Variants in MYBL2 observed in about 807,000 individuals in gnomAD.
MYBL2 encodes MYB proto-oncogene like 2.
A neutral mutation model predicts 79.9 loss-of-function variants in MYBL2; 28 were observed. The ratio of observed to expected loss-of-function variants is 0.35; its 90% CI spans 0.26 to 0.48. The LOEUF (loss-of-function observed/expected upper bound fraction) is 0.48. Among genes scored for constraint, MYBL2 ranks in the 20% least tolerant of loss-of-function variants. The pLI is 0.99. For synonymous variants in MYBL2, 378 were observed against 361.2 expected (o/e 1.05, Z -0.53); for missense variants, 735 against 893.9 (o/e 0.82, Z 2.27).
chr20:43,684,851 A>C (rs1317866004), intron 4 of MYBL2, among the ~76,000 whole-genome samples: 3 of 135,192 alleles, frequency 2.2e-5, no homozygotes, highest in African/African-American at 8.7e-5. Flanking sequence ...AAAAAAAAAA[A>C]CACAAAAGAA....
Position 43,702,552 on chromosome 20 carries a change from C to T in MYBL2, c.1014C>T (p.Asp338=). Residue 338 remains aspartate (D), a synonymous_variant, in exon 8 of 14, where the codon GAC becomes GAT. Transcript: ENST00000217026. ...TCCCTGAGGAACCATCTGCAGAGGACAGTATCAACAACAGCCTAGTGCAGC... is the reference window on the plus strand; with the variant it reads ...TCCCTGAGGAACCATCTGCAGAGGATAGTATCAACAACAGCCTAGTGCAGC... ...FDLPEEPSAE[D]SINNSLVQLQ... is the part of the protein sequence containing the mutation. The T allele has an allele frequency of 6.2e-7, 1 of 1,614,140 alleles. No individual in the cohort carries two copies. Among genetic ancestry groups the T allele is most frequent in the Non-Finnish European group, 8.5e-7 (1 of 1,179,996 alleles).
At position 43,692,282 on chromosome 20, in the gene MYBL2, A is replaced by G; in HGVS notation, c.626A>G (p.Lys209Arg). The change falls in exon 6 of 14, where the codon AAG becomes AGG. Residue 209 changes from lysine to arginine, a missense_variant. By Grantham distance (26) the Lys-to-Arg change is conservative (BLOSUM62 2). Transcript: ENST00000217026. ...PVYLLLELED[K>R]DGLQSAQPTE... ...TACTTGCTGCTGGAGCTCGAGGACA[A>G]GGACGGCCTCCAGAGTGCCCAGCCC... 6.2e-7 allele frequency: 1 copy of G among 1,614,196 alleles called. No individual in the cohort carries two copies. Among genetic ancestry groups the G allele is most frequent in the Non-Finnish European group, 8.5e-7 (1 of 1,180,034 alleles).
Position 43,692,246 on chromosome 20 carries a change from A to G in MYBL2, c.590A>G (p.Lys197Arg), listed in dbSNP as rs1231709172. The G allele has an allele frequency of 6.2e-7, 1 of 1,614,230 alleles. No homozygotes were observed. Among genetic ancestry groups the G allele is most frequent in the Non-Finnish European group, 8.5e-7 (1 of 1,180,046 alleles). ...TTCTTGAGCGAGTCCAAAGACTGCA[A>G]GCCCCCAGTGTACTTGCTGCTGGAG... ...GGFLSESKDCKPPVYLLLELE... is the reference protein window; with the variant it reads ...GGFLSESKDCRPPVYLLLELE... The change falls in exon 6 of 14, where the codon AAG becomes AGG. Residue 197 changes from lysine to arginine, a missense_variant. Coordinates refer to ENST00000217026, the MANE Select transcript of MYBL2 (RefSeq NM_002466.4).
At chr20:43,680,058 T>C (rs1475168852) in intron 2 of MYBL2, among the ~76,000 whole-genome samples, 1 of 152,132 alleles carries the variant, frequency 6.6e-6, no homozygotes, top group East Asian at 1.9e-4. Context: ...CAAGACAGAG[T>C]CTTGCTCTGT....
chr20:43,680,155 C>T (rs1039291343), intron 2 of MYBL2, among the ~76,000 whole-genome samples: 5 of 152,102 alleles, frequency 3.3e-5, no homozygotes, highest in South Asian at 2.1e-4. Flanking sequence ...TGCAGCCTCC[C>T]GAGTAGCTGG....
chr20:43,670,753 G>C (rs918716785), intron 1 of MYBL2, among the ~76,000 whole-genome samples: 1 of 152,262 alleles, frequency 6.6e-6, no homozygotes, highest in East Asian at 1.9e-4. Flanking sequence ...AATGTGGATA[G>C]CACAGTAAGC....
At chr20:43,673,638 A>G in intron 1 of MYBL2, 168 bp from the exon 2 acceptor site, 3 of 722,380 alleles carry the variant, frequency 4.2e-6, no homozygotes, top group East Asian at 2.6e-5. Context: ...ACCCTGTCTC[A>G]ATAAAAATAA....
rs1315433477 is a variant in MYBL2 at position 43,715,947 on chromosome 20, G to T, written c.1975-12G>T. On this transcript the variant is annotated splice_polypyrimidine_tract_variant and intron_variant, in intron 13 of 13. Coordinates refer to ENST00000217026, the MANE Select transcript of MYBL2 (RefSeq NM_002466.4). ...TCCCTGCCTGGATGGTAACCCTCTT[G>T]CCTCCTCCCAGATGTCCAGTGCCTG... The T allele has an allele frequency of 1.9e-6, 3 of 1,606,706 alleles. No individual in the cohort carries two copies. The South Asian group carries it at 3.3e-5, about 18-fold the overall frequency.
intron 5 of MYBL2, 124 bp from the exon 6 acceptor site, chr20:43,692,033 A>G (rs1452205635): frequency 1.2e-6 from 1 of 836,304 alleles, no homozygotes; most frequent in African/African-American, 1.7e-5. Flanking sequence ...AAGAGACCTT[A>G]GAGTTCATCT....
rs1600560522 is a variant in MYBL2, at chr20:43,702,699, C to T, written c.1161C>T (p.Gly387=). The change falls in exon 8 of 14, where the codon GGC becomes GGT. Residue 387 remains glycine (G), a synonymous_variant. Transcript: ENST00000217026. ...CAGACCTGAGCCGGAGCAGCCGGGG[C>T]GAGCTGATCCCCATCTCCCCCAGCA... The part of the protein sequence containing the change: ...TISDLSRSSR[G]ELIPISPSTE... 4 of 1,613,530 alleles carry T rather than the reference C, an allele frequency of 2.5e-6. No individual in the cohort carries two copies. Among genetic ancestry groups the T allele is most frequent in the Non-Finnish European group, 2.5e-6 (3 of 1,179,600 alleles).
intron 3 of MYBL2, among the ~76,000 whole-genome samples, chr20:43,682,231 A>G (rs1445362521): frequency 6.6e-6 from 1 of 152,184 alleles, no homozygotes; most frequent in Non-Finnish European, 1.5e-5. Flanking sequence ...AGGCCCCTGC[A>G]GGGCTGGCAG....
chr20:43,667,785 T>C (rs544940080), intron 1 of MYBL2, among the ~76,000 whole-genome samples: 1 of 152,138 alleles, frequency 6.6e-6, no homozygotes, highest in Non-Finnish European at 1.5e-5. Context: ...TCCTTAACAT[T>C]CCGGGGAGCA....
chr20:43,671,930 C>T (rs1313715994), intron 1 of MYBL2, among the ~76,000 whole-genome samples: 1 of 151,618 alleles, frequency 6.6e-6, no homozygotes, highest in Non-Finnish European at 1.5e-5. Context: ...GTACACTGGG[C>T]CGGGCGCGGT....
At chr20:43,684,933 T>C (rs1234462007) in intron 4 of MYBL2, among the ~76,000 whole-genome samples, 1 of 151,096 alleles carries the variant, frequency 6.6e-6, no homozygotes, top group Non-Finnish European at 1.5e-5. Flanking sequence ...GATCACCTGA[T>C]GTCAGGAGTT....
chr20:43,716,215 A>T lies in MYBL2; in HGVS notation c.*128A>T. 7.0e-7 allele frequency: 1 copy of T among 1,437,600 alleles called. No individual in the cohort carries two copies. Among genetic ancestry groups the T allele is most frequent in the East Asian group, 2.4e-5 (1 of 41,170 alleles). 89.1% of individuals were successfully genotyped at this position (1,437,600 alleles called of 1,614,324 possible). A position where few individuals can be genotyped will look rare whatever the true frequency, so the allele number is the denominator to read the frequency against. On this transcript the variant is annotated 3_prime_UTR_variant, in exon 14 of 14. Transcript: ENST00000217026. ...CCTTCTGCCACCAGCCCCTCCCCAG[A>T]CTCTCAGGTGGAGGCAACAGGGCCA...
intron 9 of MYBL2, among the ~76,000 whole-genome samples, chr20:43,708,595 A>AT (rs1987840349): frequency 6.6e-6 from 1 of 151,882 alleles, no homozygotes; most frequent in Non-Finnish European, 1.5e-5. Flanking sequence ...TGGCTGGCTG[A>AT]TTTTTTTATT....
At position 43,701,499 on chromosome 20, in the gene MYBL2, T is replaced by TA. The variant is rs201308711; in HGVS notation, c.952-990dup. Among the ~76,000 whole-genome samples the TA allele has an allele frequency of 7.9e-3, 1,199 of 152,272 alleles. 21 individuals carry two copies. The highest frequency in any genetic ancestry group is 0.027 in the African/African-American group (1,118 of 41,538). On this transcript the variant is annotated intron_variant, in intron 7 of 13. Coordinates refer to ENST00000217026, the MANE Select transcript of MYBL2 (RefSeq NM_002466.4). ...AAGCCTTTTGGTTTGTGTTGTGATT[T>TA]ATTGGGTAAAGGAGGGAAAACCTGT... is the stretch of plus-strand genomic sequence containing the variant.
rs375743074 is a variant in MYBL2 at position 43,699,700 on chromosome 20, C to G, written c.664-57C>G. ...TCAGGTTGTGTGGTTTAGCTGGAAACTACTATATAGTCTATATCTCAGCGA... is the reference window on the plus strand; with the variant it reads ...TCAGGTTGTGTGGTTTAGCTGGAAAGTACTATATAGTCTATATCTCAGCGA... On this transcript the variant is annotated intron_variant, in intron 6 of 13. Transcript: ENST00000217026. 6 of 1,561,616 alleles carry G rather than the reference C, an allele frequency of 3.8e-6. No homozygotes were observed. In the South Asian group the frequency reaches 5.9e-5, roughly 15 times the overall value.
In MYBL2 at chr20:43,716,291, A is replaced by G; in HGVS notation, c.*204A>G. On this transcript the variant is annotated 3_prime_UTR_variant, in exon 14 of 14. Transcript: ENST00000217026. ...CTGTGGGCGGCTCCTGGTGCTAACA[A>G]CAAAGTTCCACTTCCAGGTCTGCCT... 1.4e-6 allele frequency: 1 copy of G among 692,470 alleles called. No individual in the cohort carries two copies. The highest frequency in any genetic ancestry group is 2.3e-6 in the Non-Finnish European group (1 of 440,476). 42.9% of individuals were successfully genotyped at this position (692,470 alleles called of 1,614,324 possible).
Sources: allele counts gnomAD v4.1 joint callset (sites outside exome capture counted in the v4.1 genomes callset), GRCh38; gene constraint gnomAD v4.1.1; transcripts MANE v1.5; gene names NCBI Gene and HGNC (gene_info 2026-07-23, HGNC 2026-07-21).